NRXN2: variants seen among roughly 807,000 people sequenced by gnomAD.
NRXN2 encodes neurexin-2-beta.
Under a neutral mutation model 128.8 loss-of-function variants are expected in NRXN2, and 29 were observed. The ratio of observed to expected loss-of-function variants is 0.23; its 90% confidence interval spans 0.17 to 0.31. NRXN2 has a LOEUF of 0.31. Ranked by LOEUF, NRXN2 falls within the 10% of genes least tolerant of loss-of-function variation. The probability of loss-of-function intolerance (pLI) is 1.00; values close to 1 mark genes in which losing one functional copy is unlikely to be tolerated. For missense variants in NRXN2, 1,881 were observed against 2,452.6 expected, an observed-to-expected ratio of 0.77 and a Z score of 4.92; for synonymous variants, 1,098 against 1,075.2, an observed-to-expected ratio of 1.02 and a Z score of -0.41.
At chr11:64,654,160 C>A (rs375144664) in intron 11 of NRXN2, among the ~76,000 whole-genome samples, 2 of 152,094 alleles carry the variant, frequency 1.3e-5, no homozygotes, top group East Asian at 3.9e-4. Flanking sequence ...TGGGACGACT[C>A]CCTCCTCAGA....
rs1288076354 is a variant in NRXN2, at chr11:64,667,636, T to G, written c.1412A>C (p.Glu471Ala). 1 of 1,614,196 alleles carries G rather than the reference T, an allele frequency of 6.2e-7. No individual in the cohort carries two copies. Among genetic ancestry groups the G allele is most frequent in the South Asian group, 1.1e-5 (1 of 91,084 alleles). Residue 471 changes from glutamate to alanine, a missense_variant, in exon 9 of 23, where the codon GAA becomes GCA. Coordinates refer to ENST00000265459, the MANE Select transcript of NRXN2 (RefSeq NM_015080.4). This position sits in a 1 kb window ranked among gnomAD's most constrained non-coding sequence, Gnocchi z 5.6. ...FKLELSRLAK[E>A]GDPKMKLQGD... ...CTGCAGCTTCATCTTGGGGTCCCCT[T>G]CCTTTGCCAGGCGGGATAGTTCCAA...
intron 22 of NRXN2, among the ~76,000 whole-genome samples, chr11:64,610,019 C>T (rs533332824): frequency 2.6e-5 from 4 of 152,320 alleles, no homozygotes; most frequent in African/African-American, 9.6e-5. Flanking sequence ...ACCCACAGCC[C>T]TCTGCCTCTG....
At chr11:64,690,322 T>G in intron 5 of NRXN2, 83 bp downstream of exon 5, 1 of 1,270,808 alleles carries the variant, frequency 7.9e-7, no homozygotes, top group South Asian at 1.3e-5. Context: ...GTGCCTGCGT[T>G]GACTTGGCTT....
chr11:64,627,293 C>T (rs941534847), intron 19 of NRXN2, among the ~76,000 whole-genome samples: 4 of 152,058 alleles, frequency 2.6e-5, no homozygotes, highest in Admixed American at 6.5e-5. Flanking sequence ...GCAGCCACTA[C>T]AGGTGTGGCG....
At chr11:64,719,474 G>A (rs1021732840) in intron 1 of NRXN2, among the ~76,000 whole-genome samples, 4 of 152,152 alleles carry the variant, frequency 2.6e-5, no homozygotes, top group African/African-American at 9.7e-5. Context: ...GGCTGGGCAT[G>A]AGCGGCCATG....
At chr11:64,699,389 G>C (rs1462249849) in intron 2 of NRXN2, among the ~76,000 whole-genome samples, 1 of 149,538 alleles carries the variant, frequency 6.7e-6, no homozygotes, top group Non-Finnish European at 1.5e-5. Context: ...CTACCTGACA[G>C]CTGCATCACC....
rs78561003 is a variant in NRXN2, at chr11:64,621,057, C to T, written c.4174-685G>A. On this transcript the variant is annotated intron_variant, in intron 21 of 22. Coordinates refer to ENST00000265459, the MANE Select transcript of NRXN2 (RefSeq NM_015080.4). The stretch of plus-strand genomic sequence containing the variant: ...ATCAAAAGTCCAGGCAAGAAGGGAG[C>T]GCGAGAAACTGCGGGAAGGTGAGGA... 2.6e-3 allele frequency among the ~76,000 whole-genome samples: 402 copies of T among 151,978 alleles called. 1 individual carries two copies. The highest frequency in any genetic ancestry group is 9.5e-3 in the African/African-American group (392 of 41,428).
chr11:64,618,898 C>T (rs979334352), intron 22 of NRXN2, among the ~76,000 whole-genome samples: 2 of 152,156 alleles, frequency 1.3e-5, no homozygotes, highest in African/African-American at 4.8e-5. Flanking sequence ...GGCAACTGGG[C>T]TTTAGCCTCT....
chr11:64,621,246 T>A (rs2042302580), intron 21 of NRXN2, among the ~76,000 whole-genome samples: 1 of 152,134 alleles, frequency 6.6e-6, no homozygotes, highest in African/African-American at 2.4e-5. Flanking sequence ...GGCACCAGCC[T>A]CCATCTTGGG....
Position 64,608,064 on chromosome 11 carries a change from G to T in NRXN2, c.4271C>A (p.Pro1424His). The change falls in exon 23 of 23, where the codon CCC (proline) becomes CAC (histidine). Residue 1424 changes from proline to histidine, a missense_variant. Pro to His is a moderately conservative substitution (Grantham distance 77). Around this residue, in one of 7 missense-constraint regions of NRXN2, gnomAD observed 310 missense variants for 318.2 expected, o/e 0.97. Transcript: ENST00000265459. ...GTCTAAGGAGTCCTCCGTGATAATGGGCAATATTAACTCTCCTCCTAGAAC... is the reference window on the plus strand; with the variant it reads ...GTCTAAGGAGTCCTCCGTGATAATGTGCAATATTAACTCTCCTCCTAGAAC... ...EPSTGGELIL[P>H]IITEDSLDPP... 1 of 1,585,484 alleles carries T rather than the reference G, an allele frequency of 6.3e-7. No homozygotes were observed.
At chr11:64,625,968 C>T (rs1161223861) in intron 20 of NRXN2, among the ~76,000 whole-genome samples, 1 of 152,218 alleles carries the variant, frequency 6.6e-6, no homozygotes, top group Non-Finnish European at 1.5e-5. Flanking sequence ...CTTCTCTCTT[C>T]TCCTCACATG....
chr11:64,660,252 C>A lies in NRXN2; in HGVS notation c.2389+80G>T. The stretch of plus-strand genomic sequence containing the variant: ...GGGCACCTCTTGCTGGTGCCACCAC[C>A]AGCTTCTCCAGACAGAGGCAGGTGT... On this transcript the variant is annotated intron_variant, in intron 11 of 22. Coordinates refer to ENST00000265459, the MANE Select transcript of NRXN2 (RefSeq NM_015080.4). The surrounding 1 kb of genome is among the most constrained non-coding windows in gnomAD (Gnocchi z 5.2). 6.6e-7 allele frequency: 1 copy of A among 1,514,696 alleles called. No individual in the cohort carries two copies. The allele number at this position is 1,514,696 out of a possible 1,614,324, so 93.8% of individuals were successfully genotyped here.
intron 11 of NRXN2, among the ~76,000 whole-genome samples, chr11:64,658,831 C>A (rs1047423122): frequency 6.6e-6 from 1 of 152,154 alleles, no homozygotes; most frequent in Non-Finnish European, 1.5e-5. Context: ...TCAAGACCAG[C>A]GTGGCCAAGA....
At chr11:64,656,415 A>G (rs1310921647) in intron 11 of NRXN2, among the ~76,000 whole-genome samples, 2 of 152,228 alleles carry the variant, frequency 1.3e-5, no homozygotes, top group African/African-American at 2.4e-5. Context: ...GAATTTCACA[A>G]TAAGTGGGAA....
chr11:64,616,023 TTGAC>T (rs770893989), intron 22 of NRXN2, among the ~76,000 whole-genome samples: 14 of 152,130 alleles, frequency 9.2e-5, no homozygotes, highest in African/African-American at 3.4e-4. Context: ...ACTCAGCACA[TTGAC>T]TGTGCATGGA....
chr11:64,646,683 C>T (rs2046721809), intron 17 of NRXN2: 1 of 152,234 alleles, frequency 6.6e-6, no homozygotes, highest in Admixed American at 6.5e-5. Flanking sequence ...AGCAGCAAAA[C>T]ATGAAACTAT....
chr11:64,709,499 G>T (rs1048314944), intron 2 of NRXN2, among the ~76,000 whole-genome samples: 1 of 152,060 alleles, frequency 6.6e-6, no homozygotes, highest in Non-Finnish European at 1.5e-5. Flanking sequence ...GTTGCAGAGT[G>T]GGGAGAGAAA....
intron 17 of NRXN2, chr11:64,643,329 G>A (rs1437717256): frequency 4.1e-6 from 4 of 972,030 alleles, no homozygotes; most frequent in East Asian, 2.4e-4. Context: ...GCCGCCCGAC[G>A]GAGGCCGGGG....
In NRXN2 at chr11:64,651,730, C is replaced by T. The variant is rs1201422800; in HGVS notation, c.2537-94G>A. 1 of 1,375,412 alleles carries T rather than the reference C, an allele frequency of 7.3e-7. No individual in the cohort carries two copies. Among genetic ancestry groups the T allele is most frequent in the Non-Finnish European group, 1.0e-6 (1 of 983,680 alleles). The allele number at this position is 1,375,412 out of a possible 1,614,324, so 85.2% of individuals were successfully genotyped here. ...AGCCTCCCCTCCACAGGAGGGCCAC[C>T]CATGAGTGACATCTTTAGAGATGTC... On this transcript the variant is annotated intron_variant, in intron 13 of 22. Coordinates refer to ENST00000265459, the MANE Select transcript of NRXN2 (RefSeq NM_015080.4). This position sits in a 1 kb window ranked among gnomAD's most constrained non-coding sequence, Gnocchi z 5.9.
Sources: allele counts gnomAD v4.1 joint callset (sites outside exome capture counted in the v4.1 genomes callset), GRCh38; gene constraint gnomAD v4.1.1; regional missense constraint gnomAD v4.1.1; non-coding constraint Gnocchi (gnomAD v3.1); transcripts MANE v1.5; gene names NCBI Gene and HGNC (gene_info 2026-07-23, HGNC 2026-07-21).